Variants in DEPDC5 observed in about 807,000 individuals in gnomAD.
The protein encoded by DEPDC5 is GATOR1 complex protein DEPDC5.
A neutral mutation model predicts 217.3 loss-of-function variants in DEPDC5; 73 were observed. That is an observed-to-expected ratio of 0.34 (90% CI 0.28 to 0.41). The LOEUF (loss-of-function observed/expected upper bound fraction) is 0.41. DEPDC5 is among the 10% of genes least tolerant of loss of function. DEPDC5 has a pLI of 1.00. For missense variants in DEPDC5, 1,675 were observed against 2,070.1 expected (o/e 0.81, Z 3.70); for synonymous variants, 733 against 756.7 (o/e 0.97, Z 0.51).
At chr22:31,785,773 A>T (rs2084921641) in intron 10 of DEPDC5, among the ~76,000 whole-genome samples, 1 of 152,198 alleles carries the variant, frequency 6.6e-6, no homozygotes, top group African/African-American at 2.4e-5. Flanking sequence ...GATCAATGGA[A>T]TTGAATTGAA....
rs753721604 is a variant in DEPDC5, at chr22:31,873,308, T to C, written c.3539T>C (p.Ile1180Thr). 6.2e-7 allele frequency: 1 copy of C among 1,613,960 alleles called. No homozygotes were observed. Among genetic ancestry groups the C allele is most frequent in the South Asian group, 1.1e-5 (1 of 91,076 alleles). ...ACCTCATCCTCTACCCTGACAGAGA[T>C]CCTGGAAGCCATGAAGCACCCCTCG... ...SLTSSSTLTE[I>T]LEAMKHPSTG... The change falls in exon 35 of 43, where the codon ATC becomes ACC. Residue 1180 changes from isoleucine (I) to threonine (T), a missense_variant. Physicochemically the swap from Ile to Thr is moderately conservative, Grantham distance 89. Around this residue, in one of 11 missense-constraint regions of DEPDC5, gnomAD observed 194 missense variants for 199.3 expected, o/e 0.97. Coordinates refer to ENST00000651528, the MANE Select transcript of DEPDC5 (RefSeq NM_001242896.3).
At chr22:31,883,197 C>T (rs958341323) in intron 38 of DEPDC5, among the ~76,000 whole-genome samples, 29 of 152,138 alleles carry the variant, frequency 1.9e-4, no homozygotes, top group African/African-American at 6.5e-4. Context: ...TAAAATTACC[C>T]CCAGCTGAGA....
intron 7 of DEPDC5, among the ~76,000 whole-genome samples, chr22:31,770,707 C>T (rs1209399456): frequency 2.6e-5 from 4 of 151,478 alleles, no homozygotes; most frequent in African/African-American, 7.3e-5. Context: ...GTCTTGTTAA[C>T]TGACTTGTGG....
intron 41 of DEPDC5, among the ~76,000 whole-genome samples, chr22:31,902,408 T>TATATATATATATATATATATATATATATA (rs2093663741): frequency 1.8e-5 from 2 of 111,948 alleles, no homozygotes; most frequent in African/African-American, 6.9e-5. Flanking sequence ...CATCTCCTTA[T>TATATATATATATATATATATATATATATA]TATATATATA....
At chr22:31,875,447 A>G (rs2092962704) in intron 36 of DEPDC5, 1 of 152,204 alleles carries the variant, frequency 6.6e-6, no homozygotes, top group Admixed American at 6.6e-5. Context: ...ATTCTCTATC[A>G]TACGTGTTTA....
At chr22:31,837,259 A>G in intron 26 of DEPDC5, 104 bp downstream of exon 26, 1 of 1,266,444 alleles carries the variant, frequency 7.9e-7, no homozygotes, top group South Asian at 1.4e-5. Context: ...AGCAACACAT[A>G]TATTAAAATT....
intron 12 of DEPDC5, 32 bp from the exon 13 acceptor site, chr22:31,797,568 C>A: frequency 6.4e-7 from 1 of 1,565,086 alleles, no homozygotes; most frequent in South Asian, 1.1e-5. Flanking sequence ...ATCAGCTGCT[C>A]AATATCCATT....
intron 38 of DEPDC5, among the ~76,000 whole-genome samples, chr22:31,886,547 G>A (rs2093316431): frequency 1.3e-5 from 2 of 151,408 alleles, no homozygotes; most frequent in African/African-American, 2.4e-5. Context: ...ATCACTTGAG[G>A]TCAGGAGTTT....
At chr22:31,827,330 A>T (rs2090232757) in intron 24 of DEPDC5, among the ~76,000 whole-genome samples, 1 of 152,212 alleles carries the variant, frequency 6.6e-6, no homozygotes, top group Non-Finnish European at 1.5e-5. Context: ...AAAATTATTC[A>T]AATTTTTATA....
chr22:31,904,491 C>T (rs1411684813), intron 41 of DEPDC5, among the ~76,000 whole-genome samples: 2 of 152,152 alleles, frequency 1.3e-5, no homozygotes, highest in Non-Finnish European at 2.9e-5. Flanking sequence ...GCCTGTAATC[C>T]CAGCAGTTTG....
intron 34 of DEPDC5, among the ~76,000 whole-genome samples, chr22:31,871,915 T>TGTC (rs2092855675): frequency 1.3e-5 from 2 of 152,194 alleles, no homozygotes; most frequent in Non-Finnish European, 2.9e-5. Flanking sequence ...TTCACACAGA[T>TGTC]AGGACAGCCT....
intron 25 of DEPDC5, 152 bp from the exon 26 acceptor site, chr22:31,836,820 C>G (rs1842309511): frequency 1.5e-6 from 1 of 668,952 alleles, no homozygotes; most frequent in Non-Finnish European, 2.6e-6. Flanking sequence ...TTTCTCCCTC[C>G]CCTACCCTGT....
intron 7 of DEPDC5, among the ~76,000 whole-genome samples, chr22:31,777,125 A>C (rs1237574210): frequency 2.7e-5 from 4 of 149,046 alleles, no homozygotes; most frequent in African/African-American, 9.9e-5. Context: ...ATGCCCAGCT[A>C]ATTTTTGTAT....
At chr22:31,782,432 C>T (rs770740605) in intron 8 of DEPDC5, among the ~76,000 whole-genome samples, 3 of 152,178 alleles carry the variant, frequency 2.0e-5, no homozygotes, top group African/African-American at 4.8e-5. Context: ...CCATCGTGCC[C>T]GGCCAGGAGC....
chr22:31,798,045 C>G (rs371893022), intron 13 of DEPDC5, among the ~76,000 whole-genome samples: 7 of 151,834 alleles, frequency 4.6e-5, no homozygotes, highest in Admixed American at 3.9e-4. Flanking sequence ...CTCAGCCTCC[C>G]GGGTAGCTAG....
intron 24 of DEPDC5, among the ~76,000 whole-genome samples, chr22:31,824,057 G>C (rs768876785): frequency 2.0e-5 from 3 of 152,192 alleles, no homozygotes; most frequent in Admixed American, 2.0e-4. Flanking sequence ...CCTAGCTTAA[G>C]AAAGGTGTCA....
At position 31,833,185 on chromosome 22, in the gene DEPDC5, A is replaced by G. The variant is rs140301470; in HGVS notation, c.2105-730A>G. 3.1e-4 allele frequency among the ~76,000 whole-genome samples: 47 copies of G among 152,316 alleles called. No homozygotes were observed. The East Asian group carries it at 7.5e-3, about 24-fold the overall frequency. ...TTGTGAGCTACCATGCTCAACCTCA[A>G]TTCTTTTTATGGCATCAGAATTTTC... On this transcript the variant is annotated intron_variant, in intron 24 of 42. Coordinates refer to ENST00000651528, the MANE Select transcript of DEPDC5 (RefSeq NM_001242896.3).
intron 25 of DEPDC5, among the ~76,000 whole-genome samples, chr22:31,834,984 A>G (rs1230912552): frequency 1.3e-5 from 2 of 152,180 alleles, no homozygotes; most frequent in African/African-American, 2.4e-5. Flanking sequence ...GCCATAGCAT[A>G]TAATGCAGCT....
chr22:31,805,411 T>A (rs2087394257), intron 17 of DEPDC5, among the ~76,000 whole-genome samples: 1 of 152,212 alleles, frequency 6.6e-6, no homozygotes, highest in African/African-American at 2.4e-5. Context: ...CTCTCTTTTA[T>A]GAATTCCTCC....
Sources: gnomAD v4.1 joint callset for allele counts (sites outside exome capture counted in the v4.1 genomes callset) on GRCh38, gnomAD v4.1.1 for gene constraint, gnomAD v4.1.1 regional missense constraint, MANE v1.5 for transcripts, NCBI Gene and HGNC (gene_info 2026-07-23, HGNC 2026-07-21) for gene names.